Variants in VTI1A observed in about 807,000 individuals in gnomAD.
The protein encoded by VTI1A is vesicle transport through interaction with t-SNAREs homolog 1A.
A neutral mutation model predicts 34.9 loss-of-function variants in VTI1A; 22 were observed. That is an observed-to-expected ratio of 0.63 (90% CI 0.45 to 0.90). The LOEUF is 0.90. Among genes scored for constraint, VTI1A ranks in the 40% least tolerant of loss-of-function variants. The pLI is 0.00. For missense variants in VTI1A, 268 were observed against 275.6 expected, an observed-to-expected ratio of 0.97 and a Z score of 0.20; for synonymous variants, 87 against 97.3, an observed-to-expected ratio of 0.89 and a Z score of 0.62.
intron 1 of VTI1A, 51 bp downstream of exon 1, chr10:112,447,518 G>A (rs539470602): frequency 1.9e-5 from 31 of 1,592,710 alleles, no homozygotes; most frequent in South Asian, 7.8e-5. Context: ...CTGGGAGGGT[G>A]CGGGCGGTGG....
chr10:112,569,266 C>T (rs1002007374), intron 5 of VTI1A, among the ~76,000 whole-genome samples: 7 of 152,092 alleles, frequency 4.6e-5, no homozygotes, highest in African/African-American at 1.7e-4. Flanking sequence ...TTGTTGCCTT[C>T]TGTGATCCAG....
chr10:112,801,162 G>A (rs1235914028), intron 7 of VTI1A, among the ~76,000 whole-genome samples: 1 of 152,148 alleles, frequency 6.6e-6, no homozygotes, highest in Non-Finnish European at 1.5e-5. Context: ...TTCCCAGGAT[G>A]GCCAGCAGGA....
chr10:112,717,735 C>T (rs578206254), intron 7 of VTI1A, among the ~76,000 whole-genome samples: 97 of 152,112 alleles, frequency 6.4e-4, no homozygotes, highest in Non-Finnish European at 1.2e-3. Flanking sequence ...TCATTCTACT[C>T]AGCAAGACAG....
At chr10:112,839,983 A>G in the VTI1A span, among the ~76,000 whole-genome samples, 1 of 152,028 alleles carries the variant, frequency 6.6e-6, no homozygotes, top group Non-Finnish European at 1.5e-5. Flanking sequence ...CCTCATCTGT[A>G]AGTTGGACAG....
At chr10:112,801,799 A>G (rs760988742) in intron 7 of VTI1A, among the ~76,000 whole-genome samples, 1 of 152,268 alleles carries the variant, frequency 6.6e-6, no homozygotes, top group African/African-American at 2.4e-5. Flanking sequence ...AAAGGCTGAA[A>G]GAAAACAGGC....
chr10:112,591,370 A>G (rs1263423025), intron 5 of VTI1A, among the ~76,000 whole-genome samples: 1 of 152,168 alleles, frequency 6.6e-6, no homozygotes, highest in African/African-American at 2.4e-5. Context: ...AATACAAAAA[A>G]TTAGCCGGGT....
At chr10:112,531,426 T>G (rs1215742932) in intron 4 of VTI1A, among the ~76,000 whole-genome samples, 1 of 151,770 alleles carries the variant, frequency 6.6e-6, no homozygotes, top group African/African-American at 2.4e-5. Context: ...ATTGTTAATT[T>G]TCAGAAATAG....
chr10:112,731,078 T>C (rs1346502230), intron 7 of VTI1A, among the ~76,000 whole-genome samples: 1 of 152,172 alleles, frequency 6.6e-6, no homozygotes, highest in Non-Finnish European at 1.5e-5. Context: ...ATTCTGGGTC[T>C]GTAATGACTG....
chr10:112,536,588 A>T (rs865802738), intron 4 of VTI1A, among the ~76,000 whole-genome samples: 9 of 148,482 alleles, frequency 6.1e-5, no homozygotes, highest in East Asian at 5.8e-4. Flanking sequence ...TTATATTTAT[A>T]TTTTTTTTTT....
chr10:112,536,743 C>T (rs774078833), intron 4 of VTI1A, among the ~76,000 whole-genome samples: 1 of 151,440 alleles, frequency 6.6e-6, no homozygotes, highest in Non-Finnish European at 1.5e-5. Flanking sequence ...TAATGATTCT[C>T]ACCCCCCCAC....
intron 7 of VTI1A, among the ~76,000 whole-genome samples, chr10:112,749,876 G>T (rs1175735626): frequency 1.3e-5 from 2 of 152,182 alleles, no homozygotes; most frequent in Non-Finnish European, 2.9e-5. Flanking sequence ...TGGGAAGAGG[G>T]TCGATGCAGT....
intron 5 of VTI1A, among the ~76,000 whole-genome samples, chr10:112,547,814 G>A (rs1284861548): frequency 6.6e-6 from 1 of 152,084 alleles, no homozygotes; most frequent in African/African-American, 2.4e-5. Flanking sequence ...ATGAGAATTA[G>A]ATAATTCGTG....
At position 112,591,337 on chromosome 10, in the gene VTI1A, G is replaced by A. The variant is rs968145471; in HGVS notation, c.427+53007G>A. 3.3e-5 allele frequency among the ~76,000 whole-genome samples: 5 copies of A among 152,144 alleles called. No homozygotes were observed. In the South Asian group the frequency reaches 6.2e-4, roughly 19 times the overall value. ...AGATCAAGACCATCTTGGCTAACAC[G>A]GTGAAACCCTGTCTCTACTAACAAT... is the stretch of plus-strand genomic sequence containing the variant. On this transcript the variant is annotated intron_variant, in intron 5 of 7. Transcript: ENST00000393077.
the VTI1A span, chr10:112,832,310 A>G: frequency 6.6e-6 from 1 of 152,098 alleles, no homozygotes; most frequent in Non-Finnish European, 1.5e-5. Context: ...AAGACCTCTG[A>G]CCCTGAAAGT....
intron 5 of VTI1A, among the ~76,000 whole-genome samples, chr10:112,552,371 A>G (rs1399032671): frequency 6.6e-6 from 1 of 152,164 alleles, no homozygotes; most frequent in African/African-American, 2.4e-5. Context: ...TGAATTATCT[A>G]TGTAATGTTC....
intron 7 of VTI1A, among the ~76,000 whole-genome samples, chr10:112,701,980 T>C (rs1318075768): frequency 6.6e-6 from 1 of 152,108 alleles, no homozygotes; most frequent in Non-Finnish European, 1.5e-5. Flanking sequence ...TGCAGCATGA[T>C]CATGGGTATA....
rs192595975 is a variant in VTI1A at position 112,613,157 on chromosome 10, G to A, written c.428-55061G>A. Reference sequence around the variant, plus strand: ...ACTTTGCCGAATGGGGAGATGAAGAGGACGTTTTAATAACGGGATATACTA... The same window carrying A: ...ACTTTGCCGAATGGGGAGATGAAGAAGACGTTTTAATAACGGGATATACTA... On this transcript the variant is annotated intron_variant, in intron 5 of 7. Transcript: ENST00000393077. Among the ~76,000 whole-genome samples the A allele has an allele frequency of 7.5e-4, 114 of 152,160 alleles. 1 individual carries two copies. Among genetic ancestry groups the A allele is most frequent in the African/African-American group, 2.4e-3 (100 of 41,488 alleles).
chr10:112,635,074 G>A (rs1202656851), intron 5 of VTI1A, among the ~76,000 whole-genome samples: 1 of 152,188 alleles, frequency 6.6e-6, no homozygotes, highest in Non-Finnish European at 1.5e-5. Context: ...GTTGTTGCCT[G>A]TAACTGCAAA....
At chr10:112,688,991 GC>G (rs1848526017) in intron 7 of VTI1A, among the ~76,000 whole-genome samples, 2 of 152,156 alleles carry the variant, frequency 1.3e-5, no homozygotes, top group Admixed American at 1.3e-4. Context: ...GCTGCCTCTA[GC>G]ATGTCCTTAG....
Sources: allele counts gnomAD v4.1 joint callset (sites outside exome capture counted in the v4.1 genomes callset), GRCh38; gene constraint gnomAD v4.1.1; transcripts MANE v1.5; gene names NCBI Gene and HGNC (gene_info 2026-07-23, HGNC 2026-07-21).